The following ASTN2 variants were observed in gnomAD, a reference collection of about 807,000 sequenced individuals.
ASTN2 encodes the protein astrotactin 2, also known as astrotactin-2.
Under a neutral mutation model 139.8 loss-of-function variants are expected in ASTN2, and 54 were observed. That is an observed-to-expected ratio of 0.39 (90% CI 0.31 to 0.48). ASTN2 has a LOEUF of 0.48. Among genes scored for constraint, ASTN2 ranks in the 20% least tolerant of loss-of-function variants. The probability of loss-of-function intolerance (pLI) is 0.95; values close to 1 mark genes in which losing one functional copy is unlikely to be tolerated. For synonymous variants in ASTN2, 756 were observed against 719.5 expected (o/e 1.05, Z -0.81); for missense variants, 1,565 against 1,725.1 (o/e 0.91, Z 1.64).
intron 3 of ASTN2, among the ~76,000 whole-genome samples, chr9:117,159,343 A>G (rs976644343): frequency 5.3e-5 from 8 of 151,988 alleles, no homozygotes; most frequent in Admixed American, 1.3e-4. Context: ...TAGACTATCC[A>G]ACTAGTGCTG....
intron 12 of ASTN2, among the ~76,000 whole-genome samples, chr9:116,810,335 C>T (rs1413185916): frequency 1.3e-5 from 2 of 152,112 alleles, no homozygotes; most frequent in African/African-American, 2.4e-5. Context: ...AGAGGTTTAT[C>T]GAAGTATGTT....
At chr9:116,967,917 C>T (rs912797803) in intron 10 of ASTN2, among the ~76,000 whole-genome samples, 6 of 152,282 alleles carry the variant, frequency 3.9e-5, no homozygotes, top group East Asian at 1.9e-4. Flanking sequence ...TTCTTTATAC[C>T]GCTCTGAACC....
At chr9:116,807,947 T>TAAAA (rs61576800) in intron 12 of ASTN2, among the ~76,000 whole-genome samples, 1 of 137,836 alleles carries the variant, frequency 7.3e-6, no homozygotes, top group African/African-American at 2.7e-5. Context: ...CTGTCTCTAC[T>TAAAA]AAAAAAAAAA....
intron 10 of ASTN2, among the ~76,000 whole-genome samples, chr9:116,916,774 G>A (rs1834461368): frequency 6.6e-6 from 1 of 152,166 alleles, no homozygotes; most frequent in Non-Finnish European, 1.5e-5. Context: ...AGAGGTCGCA[G>A]TGAGCCAAGA....
At chr9:116,837,143 C>T (rs1832025465) in intron 11 of ASTN2, among the ~76,000 whole-genome samples, 1 of 152,106 alleles carries the variant, frequency 6.6e-6, no homozygotes, top group African/African-American at 2.4e-5. Flanking sequence ...AAGCAATTTC[C>T]TAGAGTCCAC....
At chr9:117,284,194 C>T (rs1184883553) in intron 2 of ASTN2, among the ~76,000 whole-genome samples, 1 of 152,130 alleles carries the variant, frequency 6.6e-6, no homozygotes. Flanking sequence ...ACCTCCGTCT[C>T]CCAGACCCAA....
At chr9:116,453,445 T>A (rs1166449153) in intron 20 of ASTN2, among the ~76,000 whole-genome samples, 1 of 150,456 alleles carries the variant, frequency 6.6e-6, no homozygotes, top group African/African-American at 2.4e-5. Flanking sequence ...TACAAAAAAA[T>A]TAGCTGGGCG....
At chr9:116,848,684 A>T (rs1832511075) in intron 11 of ASTN2, among the ~76,000 whole-genome samples, 1 of 152,060 alleles carries the variant, frequency 6.6e-6, no homozygotes. Context: ...TTCTCCTGTG[A>T]TACCCTCTCA....
At chr9:117,125,401 C>G (rs763023065) in intron 4 of ASTN2, among the ~76,000 whole-genome samples, 6 of 152,216 alleles carry the variant, frequency 3.9e-5, no homozygotes, top group Non-Finnish European at 7.3e-5. Context: ...TCTGTTGCAG[C>G]TGCTCATATT....
intron 10 of ASTN2, among the ~76,000 whole-genome samples, chr9:116,956,094 C>CTTTTTTTTTTTTTTTTTTTTT (rs71379245): frequency 1.7e-5 from 2 of 119,154 alleles, no homozygotes; most frequent in Non-Finnish European, 3.3e-5. Context: ...TTTTTCTTTT[C>CTTTTTTTTTTTTTTTTTTTTT]TTTTTTTTTT....
intron 7 of ASTN2, among the ~76,000 whole-genome samples, chr9:116,997,558 A>G (rs1439063675): frequency 6.6e-6 from 1 of 152,096 alleles, no homozygotes; most frequent in Non-Finnish European, 1.5e-5. Context: ...ACAAATACCT[A>G]TCAAAGGGGG....
chr9:117,380,586 A>G (rs2130927558), intron 1 of ASTN2, among the ~76,000 whole-genome samples: 1 of 150,174 alleles, frequency 6.7e-6, no homozygotes, highest in South Asian at 2.1e-4. Context: ...GCCTGGCAAC[A>G]GAGCAAGACT....
intron 19 of ASTN2, among the ~76,000 whole-genome samples, chr9:116,567,245 T>C (rs1853281265): frequency 6.6e-6 from 1 of 152,226 alleles, no homozygotes; most frequent in African/African-American, 2.4e-5. Context: ...GTGATTTACC[T>C]GAACGTGGAC....
At chr9:117,232,788 AT>A (rs913040271) in intron 2 of ASTN2, among the ~76,000 whole-genome samples, 3 of 151,292 alleles carry the variant, frequency 2.0e-5, no homozygotes, top group Admixed American at 1.3e-4. Flanking sequence ...GTTGGGAGCA[AT>A]TTTTTTTCTT....
At chr9:116,864,430 A>T (rs1372290805) in intron 10 of ASTN2, among the ~76,000 whole-genome samples, 1 of 152,190 alleles carries the variant, frequency 6.6e-6, no homozygotes, top group Non-Finnish European at 1.5e-5. Context: ...GAAATACGTG[A>T]TTCCTCCCAA....
At chr9:117,131,907 G>A (rs1273771444) in intron 4 of ASTN2, among the ~76,000 whole-genome samples, 1 of 152,150 alleles carries the variant, frequency 6.6e-6, no homozygotes, top group East Asian at 1.9e-4. Context: ...ATGGTCTATA[G>A]TCACTCATAT....
chr9:117,366,433 T>G (rs1203510707), intron 1 of ASTN2, among the ~76,000 whole-genome samples: 2 of 152,164 alleles, frequency 1.3e-5, no homozygotes, highest in Non-Finnish European at 2.9e-5. Flanking sequence ...AGAAGGGAAG[T>G]GAGGTCCCAA....
chr9:116,584,086 T>G (rs993287565), intron 19 of ASTN2: 4 of 152,060 alleles, frequency 2.6e-5, no homozygotes, highest in African/African-American at 9.7e-5. Flanking sequence ...ACCTGATCCT[T>G]TCTAAACAAA....
chr9:116,626,373 A>C (rs1394309624), intron 17 of ASTN2, among the ~76,000 whole-genome samples: 1 of 151,388 alleles, frequency 6.6e-6, no homozygotes, highest in Non-Finnish European at 1.5e-5. Context: ...ATAGGGCCCC[A>C]AAAATATGTT....
Sources: gnomAD v4.1 joint callset for allele counts (sites outside exome capture counted in the v4.1 genomes callset) on GRCh38, gnomAD v4.1.1 for gene constraint, MANE v1.5 for transcripts, NCBI Gene and HGNC (gene_info 2026-07-23, HGNC 2026-07-21) for gene names.